Variants in GRID1 observed in about 807,000 individuals in gnomAD.
GRID1 encodes the protein glutamate receptor ionotropic, delta-1.
Under a neutral mutation model 98.0 loss-of-function variants are expected in GRID1, and 28 were observed. The ratio of observed to expected loss-of-function variants is 0.29; its 90% CI spans 0.21 to 0.39. The LOEUF is 0.39. Ranked by LOEUF, GRID1 falls within the 10% of genes least tolerant of loss-of-function variation. GRID1 has a pLI of 1.00. For missense variants in GRID1, 1,111 were observed against 1,340.5 expected (o/e 0.83, Z 2.67); for synonymous variants, 553 against 538.5 (o/e 1.03, Z -0.37).
chr10:85,907,298 G>C (rs1187229977), intron 5 of GRID1, among the ~76,000 whole-genome samples: 1 of 152,122 alleles, frequency 6.6e-6, no homozygotes, highest in Non-Finnish European at 1.5e-5. Context: ...TTCTAGTAGA[G>C]ATGGGGTTTC....
chr10:86,207,709 G>A (rs973591903), intron 2 of GRID1, among the ~76,000 whole-genome samples: 2 of 135,918 alleles, frequency 1.5e-5, no homozygotes, highest in African/African-American at 5.5e-5. Flanking sequence ...TCGACTCACT[G>A]CAAGCTCCGC....
chr10:85,841,864 T>C (rs550880256), intron 8 of GRID1, among the ~76,000 whole-genome samples: 2 of 152,266 alleles, frequency 1.3e-5, no homozygotes, highest in African/African-American at 4.8e-5. Context: ...GGAACACTTA[T>C]ATACTGTTAG....
intron 5 of GRID1, among the ~76,000 whole-genome samples, chr10:85,903,529 C>T (rs369947071): frequency 1.3e-5 from 2 of 152,158 alleles, no homozygotes. Flanking sequence ...TCCTCACCAC[C>T]TCACTTACTC....
intron 8 of GRID1, among the ~76,000 whole-genome samples, chr10:85,771,186 G>T (rs931796717): frequency 3.9e-5 from 6 of 152,290 alleles, no homozygotes; most frequent in Middle Eastern, 3.4e-3. Context: ...TTAAGGAAAA[G>T]AATTTTCAAC....
chr10:85,766,218 G>A (rs1027498173), intron 8 of GRID1, among the ~76,000 whole-genome samples: 1 of 152,240 alleles, frequency 6.6e-6, no homozygotes, highest in Non-Finnish European at 1.5e-5. Flanking sequence ...GGGCACAGTG[G>A]CTCACGCCTA....
Position 85,601,326 on chromosome 10 carries a change from T to C in GRID1, c.*947A>G, listed in dbSNP as rs565417074. 1 of 152,554 alleles carries C rather than the reference T, an allele frequency of 6.6e-6. No homozygotes were observed. Among genetic ancestry groups the C allele is most frequent in the African/African-American group, 2.4e-5 (1 of 41,556 alleles). The allele number at this position is 152,554 out of a possible 1,614,324, so 9.5% of individuals were successfully genotyped here. ...CAAACCCAAGGGAATATTCTTCCTC[T>C]ACCTGGCCTTTTGTTCCACCACCTC... On this transcript the variant is annotated 3_prime_UTR_variant, in exon 16 of 16. Coordinates refer to ENST00000327946, the MANE Select transcript of GRID1 (RefSeq NM_017551.3).
At chr10:85,678,996 C>T (rs139558580) in intron 12 of GRID1, among the ~76,000 whole-genome samples, 85 of 152,344 alleles carry the variant, frequency 5.6e-4, no homozygotes, top group African/African-American at 2.0e-3. Flanking sequence ...TGACATAAAA[C>T]AGACTCTCAA....
intron 4 of GRID1, among the ~76,000 whole-genome samples, chr10:85,956,242 C>A (rs1322304085): frequency 6.6e-6 from 1 of 152,186 alleles, no homozygotes; most frequent in Non-Finnish European, 1.5e-5. Flanking sequence ...ACCTGCTGTG[C>A]AAGTCCTGCA....
intron 3 of GRID1, among the ~76,000 whole-genome samples, chr10:86,143,317 G>A (rs961366315): frequency 7.2e-5 from 11 of 152,156 alleles, no homozygotes; most frequent in Non-Finnish European, 1.5e-4. Flanking sequence ...ATGGGGCCAC[G>A]GAACCCCACT....
chr10:85,941,530 A>G (rs940701506), intron 4 of GRID1, among the ~76,000 whole-genome samples: 1 of 152,212 alleles, frequency 6.6e-6, no homozygotes, highest in African/African-American at 2.4e-5. Context: ...TGTACTTTTT[A>G]TATTTTCCAA....
At chr10:86,118,074 G>A (rs1166395641) in intron 4 of GRID1, among the ~76,000 whole-genome samples, 1 of 152,058 alleles carries the variant, frequency 6.6e-6, no homozygotes, top group Non-Finnish European at 1.5e-5. Context: ...CAATCAACAA[G>A]TGAATTAAGA....
intron 10 of GRID1, among the ~76,000 whole-genome samples, chr10:85,726,792 T>A (rs1227308586): frequency 6.6e-6 from 1 of 152,222 alleles, no homozygotes; most frequent in Non-Finnish European, 1.5e-5. Context: ...TAAGTAGGTA[T>A]GAAAGATATC....
chr10:85,770,104 G>A (rs1262236597), intron 8 of GRID1, among the ~76,000 whole-genome samples: 7 of 152,252 alleles, frequency 4.6e-5, no homozygotes, highest in East Asian at 1.9e-4. Flanking sequence ...CACCTCACAC[G>A]GCCGGGTACT....
chr10:86,138,755 C>T, intron 4 of GRID1, 64 bp downstream of exon 4: 2 of 1,363,212 alleles, frequency 1.5e-6, no homozygotes, highest in South Asian at 1.2e-5. Flanking sequence ...TGCAGCCCAC[C>T]TGAACCATCT....
chr10:86,159,261 G>A (rs1156850094), intron 3 of GRID1, among the ~76,000 whole-genome samples: 5 of 151,946 alleles, frequency 3.3e-5, no homozygotes, highest in East Asian at 1.9e-4. Context: ...TTACATATGC[G>A]GTTCACACTA....
rs367915080 is a variant in GRID1, at chr10:85,599,919, TCA to T, written c.*2352_*2353del. 8 of 131,456 alleles carry T rather than the reference TCA, an allele frequency of 6.1e-5. No homozygotes were observed. Among genetic ancestry groups the T allele is most frequent in the South Asian group, 2.5e-4 (1 of 4,074 alleles). The allele number at this position is 131,456 out of a possible 1,614,324, so 8.1% of individuals were successfully genotyped here. A position where few individuals can be genotyped will look rare whatever the true frequency, so the allele number is the denominator to read the frequency against. On this transcript the variant is annotated 3_prime_UTR_variant, in exon 16 of 16. Coordinates refer to ENST00000327946, the MANE Select transcript of GRID1 (RefSeq NM_017551.3). ...GTCTCTCTCTCTCTCTCTCTCTCTC[TCA>T]CACACACACACACACACAAACACAC...
chr10:85,973,859 G>A (rs1457069632), intron 4 of GRID1, among the ~76,000 whole-genome samples: 1 of 152,200 alleles, frequency 6.6e-6, no homozygotes, highest in African/African-American at 2.4e-5. Flanking sequence ...TCTGAAGTCA[G>A]ATTATGTGGA....
At chr10:86,327,959 C>T (rs1169714281) in intron 2 of GRID1, among the ~76,000 whole-genome samples, 1 of 152,010 alleles carries the variant, frequency 6.6e-6, no homozygotes, top group Non-Finnish European at 1.5e-5. Context: ...ATTTCCATGA[C>T]AATATGGTTT....
At chr10:85,938,916 A>G (rs1841961717) in intron 4 of GRID1, among the ~76,000 whole-genome samples, 1 of 152,268 alleles carries the variant, frequency 6.6e-6, no homozygotes, top group African/African-American at 2.4e-5. Context: ...ATCCCTTTTT[A>G]AAGTTAATTT....
Sources: gnomAD v4.1 joint callset for allele counts (sites outside exome capture counted in the v4.1 genomes callset) on GRCh38, gnomAD v4.1.1 for gene constraint, MANE v1.5 for transcripts, NCBI Gene and HGNC (gene_info 2026-07-23, HGNC 2026-07-21) for gene names.